Variants in NRXN3 observed in about 807,000 individuals in gnomAD.
NRXN3 encodes the protein neurexin III.
Under a neutral mutation model 137.6 loss-of-function variants are expected in NRXN3, and 32 were observed. The observed-to-expected ratio is 0.23, with a 90% CI of 0.18 to 0.31. NRXN3 has a LOEUF of 0.31. Ranked by LOEUF, NRXN3 falls within the 10% of genes least tolerant of loss-of-function variation. The pLI, the probability that NRXN3 is intolerant of heterozygous loss-of-function variation, is 1.00. For synonymous variants in NRXN3, 798 were observed against 784.5 expected (o/e 1.02, Z -0.29); for missense variants, 1,574 against 2,062.5 (o/e 0.76, Z 4.59).
intron 16 of NRXN3, among the ~76,000 whole-genome samples, chr14:79,633,468 C>T (rs565584506): frequency 6.6e-6 from 1 of 151,796 alleles, no homozygotes; most frequent in Admixed American, 6.5e-5. Context: ...CGGAAATGTT[C>T]CCTTTCCCTG....
chr14:79,571,929 T>C (rs1312798106), intron 16 of NRXN3, among the ~76,000 whole-genome samples: 1 of 152,204 alleles, frequency 6.6e-6, no homozygotes, highest in Non-Finnish European at 1.5e-5. Flanking sequence ...CAACTCAAAC[T>C]ATTTCCCTAC....
At chr14:79,623,849 G>GTTTTTTTTTTTTTTTTTTTTTTTTT (rs571687023) in intron 16 of NRXN3, among the ~76,000 whole-genome samples, 1 of 98,028 alleles carries the variant, frequency 1.0e-5, no homozygotes, top group African/African-American at 3.9e-5. Context: ...CTTAGCTCCT[G>GTTTTTTTTTTTTTTTTTTTTTTTTT]TTTTTTTTTT....
chr14:78,455,681 G>A (rs958323404), intron 4 of NRXN3, among the ~76,000 whole-genome samples: 1 of 152,104 alleles, frequency 6.6e-6, no homozygotes, highest in Non-Finnish European at 1.5e-5. Flanking sequence ...CCAAGAAGTC[G>A]ATTAGTACTG....
intron 3 of NRXN3, among the ~76,000 whole-genome samples, chr14:78,296,808 A>C (rs2076386516): frequency 6.6e-6 from 1 of 152,168 alleles, no homozygotes; most frequent in Admixed American, 6.5e-5. Flanking sequence ...AAACATTTAG[A>C]GATTTCCATA....
chr14:78,502,399 G>A (rs2095895726), intron 4 of NRXN3, among the ~76,000 whole-genome samples: 1 of 152,182 alleles, frequency 6.6e-6, no homozygotes, highest in African/African-American at 2.4e-5. Flanking sequence ...CCATGCTTGA[G>A]CCAACACATT....
chr14:78,944,622 ATGCTTC>A (rs1259057952), intron 10 of NRXN3, among the ~76,000 whole-genome samples: 1 of 152,198 alleles, frequency 6.6e-6, no homozygotes, highest in Non-Finnish European at 1.5e-5. Context: ...GAGTGAAGTG[ATGCTTC>A]TGTAAGCCAA....
chr14:79,223,999 T>C (rs1275505728), intron 15 of NRXN3, among the ~76,000 whole-genome samples: 2 of 152,116 alleles, frequency 1.3e-5, no homozygotes, highest in African/African-American at 4.8e-5. Flanking sequence ...TTTATTTTAT[T>C]CTCAGGTGGA....
chr14:79,123,858 G>A (rs2221300), intron 15 of NRXN3, among the ~76,000 whole-genome samples: 150,916 of 152,276 alleles, frequency 0.99, 74,806 homozygotes, highest in Middle Eastern at 1. Flanking sequence ...CAGACAGCCA[G>A]AATGTTTTGC....
intron 4 of NRXN3, among the ~76,000 whole-genome samples, chr14:78,387,319 T>C (rs1435366365): frequency 6.6e-6 from 1 of 152,168 alleles, no homozygotes; most frequent in Non-Finnish European, 1.5e-5. Context: ...TTTTTTGAGT[T>C]ATGCTGGGAA....
At chr14:78,667,118 C>T (rs1312224228) in intron 6 of NRXN3, among the ~76,000 whole-genome samples, 1 of 152,102 alleles carries the variant, frequency 6.6e-6, no homozygotes. Context: ...TAACAGTGGT[C>T]TTTTCTCACT....
At chr14:78,572,294 T>C (rs948780492) in intron 4 of NRXN3, among the ~76,000 whole-genome samples, 3 of 152,210 alleles carry the variant, frequency 2.0e-5, no homozygotes, top group Non-Finnish European at 4.4e-5. Flanking sequence ...GCTCTCACTC[T>C]CATTCTCTTG....
chr14:79,802,966 C>T lies in NRXN3; in HGVS notation c.4015-2146C>T, dbSNP rs182830987. ...AATACCTAGGTGATGGGCTGATAGG[C>T]GCAGCAAACCACCATCGCACCCATT... On this transcript the variant is annotated intron_variant, in intron 19 of 20. Coordinates refer to ENST00000335750, the MANE Select transcript of NRXN3 (RefSeq NM_001330195.2). Among the ~76,000 whole-genome samples the T allele has an allele frequency of 3.6e-3, 554 of 152,070 alleles. 5 individuals carry two copies. Among genetic ancestry groups the T allele is most frequent in the African/African-American group, 0.013 (526 of 41,474 alleles).
intron 1 of NRXN3, among the ~76,000 whole-genome samples, chr14:78,213,106 C>T (rs2062903779): frequency 6.6e-6 from 1 of 152,116 alleles, no homozygotes; most frequent in African/African-American, 2.4e-5. Context: ...CTAGTGCTTT[C>T]CTTGGAAACA....
At position 79,686,664 on chromosome 14, in the gene NRXN3, GA is replaced by G. The variant is rs2098696409; in HGVS notation, c.3617-5507del. On this transcript the variant is annotated intron_variant, in intron 17 of 20. Coordinates refer to ENST00000335750, the MANE Select transcript of NRXN3 (RefSeq NM_001330195.2). ...ATTAAATAAATTGCCCAAGTTCACA[GA>G]ACTGATAAATGTCTGGACTTGATTC... 3.3e-5 allele frequency among the ~76,000 whole-genome samples: 5 copies of G among 152,230 alleles called. No individual in the cohort carries two copies. In the South Asian group the frequency reaches 8.3e-4, roughly 25 times the overall value.
At chr14:79,827,691 C>CT (rs71103825) in intron 20 of NRXN3, among the ~76,000 whole-genome samples, 25 of 129,540 alleles carry the variant, frequency 1.9e-4, no homozygotes, top group Admixed American at 3.2e-4. Context: ...ATGCCACAAA[C>CT]TTTTTTTTTT....
At chr14:78,464,202 G>A (rs527571910) in intron 4 of NRXN3, among the ~76,000 whole-genome samples, 16 of 151,822 alleles carry the variant, frequency 1.1e-4, no homozygotes, top group Non-Finnish European at 1.8e-4. Flanking sequence ...ACAGGCACCC[G>A]CCACCATGTC....
intron 17 of NRXN3, among the ~76,000 whole-genome samples, chr14:79,674,584 TGCC>T (rs2098630573): frequency 6.6e-6 from 1 of 151,994 alleles, no homozygotes; most frequent in Admixed American, 6.6e-5. Context: ...ATACCCAGGT[TGCC>T]CACTCCACTT....
At chr14:78,915,734 AG>A (rs1317927930) in intron 10 of NRXN3, among the ~76,000 whole-genome samples, 1 of 152,094 alleles carries the variant, frequency 6.6e-6, no homozygotes, top group Non-Finnish European at 1.5e-5. Context: ...GGTGGGTCTC[AG>A]GGAAGAAATT....
intron 4 of NRXN3, among the ~76,000 whole-genome samples, chr14:78,625,974 T>G (rs2097454069): frequency 6.6e-6 from 1 of 152,186 alleles, no homozygotes; most frequent in Non-Finnish European, 1.5e-5. Context: ...AACACTTGTC[T>G]CTGAGTTGTG....
Sources: gnomAD v4.1 joint callset for allele counts (sites outside exome capture counted in the v4.1 genomes callset) on GRCh38, gnomAD v4.1.1 for gene constraint, MANE v1.5 for transcripts, NCBI Gene and HGNC (gene_info 2026-07-23, HGNC 2026-07-21) for gene names.